TMEM154: variants seen among roughly 807,000 people sequenced by gnomAD.
TMEM154 encodes the protein transmembrane protein 154.
A neutral mutation model predicts 24.5 loss-of-function variants in TMEM154; 27 were observed. The ratio of observed to expected loss-of-function variants is 1.10; its 90% CI spans 0.81 to 1.52. TMEM154 has a LOEUF of 1.52. Among genes scored for constraint, TMEM154 ranks in the 40% most tolerant of loss-of-function variants. TMEM154 has a pLI of 0.00. For synonymous variants in TMEM154, 67 were observed against 76.8 expected (o/e 0.87, Z 0.67); for missense variants, 228 against 213.4 (o/e 1.07, Z -0.43).
At chr4:152,628,613 A>G in intron 6 of TMEM154, 52 bp from the exon 7 acceptor site, 1 of 1,106,002 alleles carries the variant, frequency 9.0e-7, no homozygotes, top group Non-Finnish European at 1.2e-6. Flanking sequence ...ACACACACAC[A>G]CACAAAACAG....
intron 1 of TMEM154, among the ~76,000 whole-genome samples, chr4:152,667,442 A>G (rs986434938): frequency 1.3e-5 from 2 of 152,154 alleles, no homozygotes; most frequent in African/African-American, 2.4e-5. Context: ...GTCAGGAGCA[A>G]TGAGGGTGGT....
At chr4:152,659,722 T>C (rs543995671) in intron 1 of TMEM154, among the ~76,000 whole-genome samples, 1 of 152,310 alleles carries the variant, frequency 6.6e-6, no homozygotes, top group Admixed American at 6.5e-5. Context: ...ACATTTACAG[T>C]AGTCCCCCAT....
At chr4:152,655,945 C>T (rs1728482702) in intron 1 of TMEM154, among the ~76,000 whole-genome samples, 1 of 152,164 alleles carries the variant, frequency 6.6e-6, no homozygotes, top group South Asian at 2.1e-4. Flanking sequence ...CACAGGCCAG[C>T]TCTCTCCCAG....
rs1248246662 is a variant in TMEM154 at position 152,621,514 on chromosome 4, ACT to A, written c.*7030_*7031del. On this transcript the variant is annotated 3_prime_UTR_variant, in exon 7 of 7. Transcript: ENST00000304385. ...TCTAGTTAAAACAGGGAGGAAATAGACTCTGCATCAGTTTCTAGGGGTAGATT... is the reference window on the plus strand; with the variant it reads ...TCTAGTTAAAACAGGGAGGAAATAGACTGCATCAGTTTCTAGGGGTAGATT... 1 of 152,116 alleles carries A rather than the reference ACT, an allele frequency of 6.6e-6. No individual in the cohort carries two copies. The highest frequency in any genetic ancestry group is 2.4e-5 in the African/African-American group (1 of 41,408). 9.4% of individuals were successfully genotyped at this position (152,116 alleles called of 1,614,324 possible). A position where few individuals can be genotyped will look rare whatever the true frequency, so the allele number is the denominator to read the frequency against.
Position 152,667,740 on chromosome 4 carries a change from T to G in TMEM154, c.64+12130A>C, listed in dbSNP as rs568818317. ...GAGATCATCAAGCAATGCCTGTGTT[T>G]TGTACACTTTTTCTCTTCAGCCACC... On this transcript the variant is annotated intron_variant, in intron 1 of 6. Coordinates refer to ENST00000304385, the MANE Select transcript of TMEM154 (RefSeq NM_152680.3). Among the ~76,000 whole-genome samples the G allele has an allele frequency of 4.6e-5, 7 of 152,370 alleles. No individual in the cohort carries two copies. In the South Asian group the frequency reaches 1.2e-3, roughly 27 times the overall value.
At chr4:152,666,283 TA>T (rs1456538678) in intron 1 of TMEM154, 1 of 152,244 alleles carries the variant, frequency 6.6e-6, no homozygotes, top group Non-Finnish European at 1.5e-5. Context: ...TATTTGAGAC[TA>T]TCTGGGGGCG....
chr4:152,637,543 C>T (rs1281192627), intron 6 of TMEM154, among the ~76,000 whole-genome samples: 2 of 147,926 alleles, frequency 1.4e-5, no homozygotes, highest in Non-Finnish European at 3.0e-5. Context: ...GAAACTCAGT[C>T]TCGAAAAAAA....
At chr4:152,640,892 C>CCAA in intron 6 of TMEM154, 36 bp downstream of exon 6, 20 of 1,454,028 alleles carry the variant, frequency 1.4e-5, no homozygotes, top group Non-Finnish European at 1.6e-5. Flanking sequence ...CGCCCCCCGC[C>CCAA]ATATACATGT....
Position 152,652,871 on chromosome 4 carries a change from T to A in TMEM154, c.121A>T (p.Asn41Tyr). ...GDTTVESERP[N>Y]KVTIPSTFAA... Reference sequence around the variant, plus strand: ...AATGTGCTTGGAATAGTCACTTTATTTGGTCTTTCAGATTCCACAGTTGTA... The same window carrying A: ...AATGTGCTTGGAATAGTCACTTTATATGGTCTTTCAGATTCCACAGTTGTA... The change falls in exon 2 of 7, where the codon AAT (asparagine) becomes TAT (tyrosine). Residue 41 changes from asparagine to tyrosine, a missense_variant. Asn to Tyr is a moderately radical substitution (Grantham distance 143). Coordinates refer to ENST00000304385, the MANE Select transcript of TMEM154 (RefSeq NM_152680.3). The A allele has an allele frequency of 6.2e-7, 1 of 1,613,890 alleles. No individual in the cohort carries two copies. Among genetic ancestry groups the A allele is most frequent in the Non-Finnish European group, 8.5e-7 (1 of 1,179,904 alleles).
chr4:152,629,568 G>A (rs187136169), intron 6 of TMEM154, among the ~76,000 whole-genome samples: 54 of 152,176 alleles, frequency 3.5e-4, no homozygotes, highest in African/African-American at 1.2e-3. Context: ...TCCCTTCCTC[G>A]CGCTTCTCTT....
Position 152,620,564 on chromosome 4 carries a change from A to G in TMEM154, c.*7982T>C, listed in dbSNP as rs1245626253. 6.6e-6 allele frequency: 1 copy of G among 151,312 alleles called. No individual in the cohort carries two copies. The highest frequency in any genetic ancestry group is 1.5e-5 in the Non-Finnish European group (1 of 67,928). 9.4% of individuals were successfully genotyped at this position (151,312 alleles called of 1,614,324 possible). ...GACAAGGCTGGAGTACAATGGTGTG[A>G]TCTCATCTCACTGTAACCTCCGCCT... On this transcript the variant is annotated 3_prime_UTR_variant, in exon 7 of 7. Transcript: ENST00000304385.
rs1728455736 is a variant in TMEM154 at position 152,654,657 on chromosome 4, G to A, written c.65-1730C>T. On this transcript the variant is annotated intron_variant, in intron 1 of 6. Transcript: ENST00000304385. ...GATTATTGCTCCTATGAGAAGATAA[G>A]AAAACCAGAGTTCTCTTTCCTTGCC... 4.6e-5 allele frequency among the ~76,000 whole-genome samples: 7 copies of A among 152,338 alleles called. No homozygotes were observed. In the South Asian group the frequency reaches 1.4e-3, roughly 32 times the overall value.
intron 1 of TMEM154, among the ~76,000 whole-genome samples, chr4:152,658,938 A>G (rs147492540): frequency 0.014 from 2,085 of 152,342 alleles, 28 homozygotes; most frequent in Non-Finnish European, 0.018. Context: ...TACAGCCACT[A>G]TGGAAAACAG....
chr4:152,666,266 A>G (rs1331280574), intron 1 of TMEM154: 1 of 152,190 alleles, frequency 6.6e-6, no homozygotes, highest in Non-Finnish European at 1.5e-5. Flanking sequence ...GCCCTAACCA[A>G]ATTAGTTATT....
At position 152,628,208 on chromosome 4, in the gene TMEM154, T is replaced by C; in HGVS notation, c.*338A>G. 1 of 342,288 alleles carries C rather than the reference T, an allele frequency of 2.9e-6. No homozygotes were observed. The highest frequency in any genetic ancestry group is 5.3e-6 in the Non-Finnish European group (1 of 189,540). The allele number at this position is 342,288 out of a possible 1,614,324, so 21.2% of individuals were successfully genotyped here. On this transcript the variant is annotated 3_prime_UTR_variant, in exon 7 of 7. Transcript: ENST00000304385. ...ATGAAGCAGAAAGGTGACGAACATT[T>C]ATCATGACCAGAGTGAGTTCAGTGA... is the stretch of plus-strand genomic sequence containing the variant.
intron 1 of TMEM154, chr4:152,669,362 G>A (rs926259628): frequency 2.0e-5 from 3 of 152,066 alleles, no homozygotes; most frequent in South Asian, 2.1e-4. Flanking sequence ...ATCACAATCC[G>A]AAATAAAATT....
At chr4:152,636,435 T>C (rs927781942) in intron 6 of TMEM154, among the ~76,000 whole-genome samples, 1 of 152,242 alleles carries the variant, frequency 6.6e-6, no homozygotes, top group Non-Finnish European at 1.5e-5. Context: ...GATTCCTTTG[T>C]TGCTTTTCCT....
At chr4:152,647,453 T>C (rs1004418357) in intron 3 of TMEM154, 1 of 450,342 alleles carries the variant, frequency 2.2e-6, no homozygotes, top group African/African-American at 2.1e-5. Context: ...AAGCATTGGC[T>C]GATAAGAGAA....
At chr4:152,667,098 T>C (rs932833769) in intron 1 of TMEM154, 1 of 152,296 alleles carries the variant, frequency 6.6e-6, no homozygotes, top group African/African-American at 2.4e-5. Context: ...TCTCCTTCAC[T>C]GTTTTGTACG....
Sources: gnomAD v4.1 joint callset for allele counts (sites outside exome capture counted in the v4.1 genomes callset) on GRCh38, gnomAD v4.1.1 for gene constraint, MANE v1.5 for transcripts, NCBI Gene and HGNC (gene_info 2026-07-23, HGNC 2026-07-21) for gene names.